The following NRG3 variants were observed in gnomAD, a reference collection of about 807,000 sequenced individuals.
NRG3 encodes the protein neuregulin 3.
Under a neutral mutation model 66.9 loss-of-function variants are expected in NRG3, and 31 were observed. The ratio of observed to expected loss-of-function variants is 0.46; its 90% confidence interval spans 0.35 to 0.63. The LOEUF (loss-of-function observed/expected upper bound fraction) is 0.63. NRG3 is among the 20% of genes least tolerant of loss of function. The pLI, the probability that NRG3 is intolerant of heterozygous loss-of-function variation, is 0.00. For missense variants in NRG3, 910 were observed against 878.9 expected (o/e 1.04, Z -0.45); for synonymous variants, 393 against 359.4 (o/e 1.09, Z -1.06).
intron 2 of NRG3, among the ~76,000 whole-genome samples, chr10:82,400,376 C>A (rs1286784988): frequency 6.6e-6 from 1 of 152,064 alleles, no homozygotes; most frequent in Non-Finnish European, 1.5e-5. Context: ...CTGTGCTTCT[C>A]AAAATTTTAT....
chr10:82,508,357 A>G (rs1206854251), intron 2 of NRG3, among the ~76,000 whole-genome samples: 1 of 152,198 alleles, frequency 6.6e-6, no homozygotes, highest in African/African-American at 2.4e-5. Flanking sequence ...CAAAATGCTC[A>G]GGGACCTCAA....
At chr10:82,299,866 T>C (rs1229636421) in intron 1 of NRG3, among the ~76,000 whole-genome samples, 3 of 152,170 alleles carry the variant, frequency 2.0e-5, no homozygotes, top group African/African-American at 4.8e-5. Context: ...TTTAGATGAC[T>C]TTTTATCTGT....
chr10:82,937,647 G>A (rs1292514143), intron 4 of NRG3, among the ~76,000 whole-genome samples: 1 of 152,208 alleles, frequency 6.6e-6, no homozygotes, highest in Non-Finnish European at 1.5e-5. Context: ...TGGGAGAAGG[G>A]AAAGTGGCCT....
chr10:82,795,007 A>G (rs763151360), intron 3 of NRG3, among the ~76,000 whole-genome samples: 16 of 152,228 alleles, frequency 1.1e-4, no homozygotes, highest in East Asian at 1.9e-4. Flanking sequence ...TTTCTTCTCT[A>G]TGCTGTCACT....
At position 82,271,593 on chromosome 10, in the gene NRG3, ATAC is replaced by A. The variant is rs138106274; in HGVS notation, c.824-87142_824-87140del. ...CATAATGTCATGAAGTGTCTAAACA[ATAC>A]TACAACTACTAACTAATTAACTCTA... On this transcript the variant is annotated intron_variant, in intron 1 of 8. Transcript: ENST00000372141. Among the ~76,000 whole-genome samples, 1,193 of 152,102 alleles carry A rather than the reference ATAC, an allele frequency of 7.8e-3. 7 individuals carry two copies. Among genetic ancestry groups the A allele is most frequent in the Non-Finnish European group, 0.013 (915 of 67,984 alleles).
intron 1 of NRG3, among the ~76,000 whole-genome samples, chr10:82,316,433 G>A (rs1228112176): frequency 6.6e-6 from 1 of 152,114 alleles, no homozygotes; most frequent in African/African-American, 2.4e-5. Flanking sequence ...ATGAAAAAAA[G>A]TAGAAAATTG....
chr10:82,337,426 T>C (rs1449016289), intron 1 of NRG3, among the ~76,000 whole-genome samples: 1 of 152,244 alleles, frequency 6.6e-6, no homozygotes. Flanking sequence ...ATGGAGTTGC[T>C]TCCACTTTTT....
At chr10:82,353,878 A>G (rs1322832710) in intron 1 of NRG3, among the ~76,000 whole-genome samples, 1 of 151,858 alleles carries the variant, frequency 6.6e-6, no homozygotes, top group African/African-American at 2.4e-5. Flanking sequence ...TTTGTCCTCT[A>G]TGCTGCTGGG....
At chr10:82,859,640 A>G (rs1458465282) in intron 3 of NRG3, among the ~76,000 whole-genome samples, 1 of 152,206 alleles carries the variant, frequency 6.6e-6, no homozygotes, top group East Asian at 1.9e-4. Context: ...CCCAGGCCTT[A>G]AACTTCGGTT....
intron 3 of NRG3, among the ~76,000 whole-genome samples, chr10:82,859,939 CATTT>C (rs2064027488): frequency 6.6e-6 from 1 of 151,994 alleles, no homozygotes; most frequent in African/African-American, 2.4e-5. Flanking sequence ...AAAAAACATT[CATTT>C]TGTCTTGCTA....
intron 4 of NRG3, among the ~76,000 whole-genome samples, chr10:82,869,481 T>C (rs1455541041): frequency 6.6e-6 from 1 of 152,148 alleles, no homozygotes; most frequent in Non-Finnish European, 1.5e-5. Flanking sequence ...ATTATTATAT[T>C]ATCCTACAGA....
intron 2 of NRG3, among the ~76,000 whole-genome samples, chr10:82,612,606 C>A (rs2133517834): frequency 6.6e-6 from 1 of 152,198 alleles, no homozygotes; most frequent in East Asian, 1.9e-4. Flanking sequence ...ATCTTTTTAT[C>A]TGTGCAGTTT....
At chr10:81,994,400 G>C (rs1246147329) in intron 1 of NRG3, among the ~76,000 whole-genome samples, 1 of 151,982 alleles carries the variant, frequency 6.6e-6, no homozygotes. Context: ...TAAGCTGAAA[G>C]GTAATATTTA....
At chr10:81,898,751 G>A (rs73319118) in intron 1 of NRG3, among the ~76,000 whole-genome samples, 8,757 of 148,980 alleles carry the variant, frequency 0.059, 542 homozygotes, top group East Asian at 0.22. Context: ...GAAAAGATTT[G>A]CTGACATGCA....
At chr10:82,497,949 G>A (rs909407460) in intron 2 of NRG3, among the ~76,000 whole-genome samples, 4 of 152,104 alleles carry the variant, frequency 2.6e-5, no homozygotes, top group Non-Finnish European at 4.4e-5. Flanking sequence ...GTTTTGAGAT[G>A]ATACTGTGGT....
chr10:82,087,514 C>A (rs1396841008), intron 1 of NRG3, among the ~76,000 whole-genome samples: 2 of 152,048 alleles, frequency 1.3e-5, no homozygotes, highest in African/African-American at 4.8e-5. Context: ...TAGTTACAGT[C>A]CACCCAACAG....
At chr10:82,121,073 C>G (rs1178097850) in intron 1 of NRG3, among the ~76,000 whole-genome samples, 1 of 152,268 alleles carries the variant, frequency 6.6e-6, no homozygotes, top group African/African-American at 2.4e-5. Flanking sequence ...TCCAGTTACT[C>G]TACAGACAGT....
intron 1 of NRG3, among the ~76,000 whole-genome samples, chr10:81,881,755 G>C (rs1018875816): frequency 6.6e-6 from 1 of 151,832 alleles, no homozygotes; most frequent in African/African-American, 2.4e-5. Flanking sequence ...TAGGGCGAAG[G>C]CTTTTTCTAA....
intron 2 of NRG3, among the ~76,000 whole-genome samples, chr10:82,408,046 CGAGA>C (rs536927208): frequency 0.025 from 1,350 of 54,226 alleles, 24 homozygotes; most frequent in East Asian, 0.049. Context: ...AAGACTACAT[CGAGA>C]GAGAGAGAGA....
Sources: gnomAD v4.1 joint callset for allele counts (sites outside exome capture counted in the v4.1 genomes callset) on GRCh38, gnomAD v4.1.1 for gene constraint, MANE v1.5 for transcripts, NCBI Gene and HGNC (gene_info 2026-07-23, HGNC 2026-07-21) for gene names.